The following GRID2IP variants were observed in gnomAD, a reference collection of about 807,000 sequenced individuals.
GRID2IP encodes Grid2 interacting protein.
A neutral mutation model predicts 114.3 loss-of-function variants in GRID2IP; 78 were observed. The observed-to-expected ratio is 0.68, with a 90% CI of 0.57 to 0.82. The LOEUF (loss-of-function observed/expected upper bound fraction) is 0.82. Ranked by LOEUF, GRID2IP falls within the 40% of genes least tolerant of loss-of-function variation. GRID2IP has a pLI of 0.00. For synonymous variants in GRID2IP, 809 were observed against 724.0 expected (o/e 1.12, Z -1.89); for missense variants, 1,727 against 1,678.5 (o/e 1.03, Z -0.51).
In GRID2IP at chr7:6,532,735, G is replaced by A. The variant is rs1343500543; in HGVS notation, c.585-5966C>T. 1.3e-5 allele frequency among the ~76,000 whole-genome samples: 2 copies of A among 152,226 alleles called. No individual in the cohort carries two copies. The highest frequency in any genetic ancestry group is 1.3e-4 in the Admixed American group (2 of 15,272). ...CATTCCTGGTTGTATTGTGCCAGCT[G>A]CAGTGGCCCAGAATCCAGAACCACA... is the stretch of plus-strand genomic sequence containing the variant. On this transcript the variant is annotated intron_variant, in intron 2 of 21. Transcript: ENST00000457091. The surrounding 1 kb of genome is among the most constrained non-coding windows in gnomAD (Gnocchi z 4.4).
chr7:6,503,692 G>A lies in GRID2IP; in HGVS notation c.2711-5C>T, dbSNP rs1583332628. 2 of 1,467,894 alleles carry A rather than the reference G, an allele frequency of 1.4e-6. No individual in the cohort carries two copies. Among genetic ancestry groups the A allele is most frequent in the East Asian group, 2.7e-5 (1 of 37,544 alleles). 90.9% of individuals were successfully genotyped at this position (1,467,894 alleles called of 1,614,324 possible). ...TCAGGTGTGCCAAGAGGATGGCTGC[G>A]GGCGGGGCGGGGCGGTGAGCTGGGC... is the stretch of plus-strand genomic sequence containing the variant. On this transcript the variant is annotated splice_region_variant and splice_polypyrimidine_tract_variant and intron_variant, in intron 15 of 21. Transcript: ENST00000457091.
intron 20 of GRID2IP, among the ~76,000 whole-genome samples, chr7:6,500,497 G>C (rs2115350600): frequency 6.6e-6 from 1 of 152,242 alleles, no homozygotes; most frequent in Middle Eastern, 3.4e-3. Context: ...TGAAGTGGGT[G>C]AAAGATGGGG....
In GRID2IP at chr7:6,509,453, G is replaced by A. The variant is rs1786700194; in HGVS notation, c.1772-140C>T. ...TCCCTCTCTGGGCACAGTGCAGGAA[G>A]ACCTTGAGCGGCCCTGCCTTCCAAG... On this transcript the variant is annotated intron_variant, in intron 11 of 21. Coordinates refer to ENST00000457091, the MANE Select transcript of GRID2IP (RefSeq NM_001145118.2). This position sits in a 1 kb window ranked among gnomAD's most constrained non-coding sequence, Gnocchi z 4.9. The A allele has an allele frequency of 2.8e-6, 2 of 723,036 alleles. No individual in the cohort carries two copies. The highest frequency in any genetic ancestry group is 5.8e-5 in the South Asian group (2 of 34,264). 44.8% of individuals were successfully genotyped at this position (723,036 alleles called of 1,614,324 possible).
At position 6,531,144 on chromosome 7, in the gene GRID2IP, G is replaced by T. The variant is rs773660730; in HGVS notation, c.585-4375C>A. On this transcript the variant is annotated intron_variant, in intron 2 of 21. Coordinates refer to ENST00000457091, the MANE Select transcript of GRID2IP (RefSeq NM_001145118.2). ...CGGCGCGGCAGGTGCCGAAGGGCAGGGGGTAGCCGAGCCCAGGAATGGAGC... is the reference window on the plus strand; with the variant it reads ...CGGCGCGGCAGGTGCCGAAGGGCAGTGGGTAGCCGAGCCCAGGAATGGAGC... 2.0e-4 allele frequency: 102 copies of T among 505,226 alleles called. 1 individual carries two copies. The highest frequency in any genetic ancestry group is 8.3e-4 in the Middle Eastern group (2 of 2,414). 31.3% of individuals were successfully genotyped at this position (505,226 alleles called of 1,614,324 possible). A position where few individuals can be genotyped will look rare whatever the true frequency, so the allele number is the denominator to read the frequency against.
intron 8 of GRID2IP, among the ~76,000 whole-genome samples, chr7:6,512,591 A>G (rs1275480424): frequency 6.6e-6 from 1 of 150,390 alleles, no homozygotes; most frequent in East Asian, 2.0e-4. Flanking sequence ...GCTCACTGCA[A>G]CCTCCGTCTC....
chr7:6,513,947 CAAAAA>C (rs35124535), intron 8 of GRID2IP, among the ~76,000 whole-genome samples: 2 of 47,540 alleles, frequency 4.2e-5, no homozygotes, highest in African/African-American at 9.8e-5. Flanking sequence ...GACTCCGTCT[CAAAAA>C]AAAAAAAAAA....
At chr7:6,550,976 T>TGCCCCCCCCC in intron 1 of GRID2IP, 32 bp downstream of exon 1, 1 of 1,015,788 alleles carries the variant, frequency 9.8e-7, no homozygotes, top group Non-Finnish European at 1.2e-6. Context: ...GCCCCCTCCT[T>TGCCCCCCCCC]CCCGCCCCCA....
At chr7:6,547,994 A>C (rs972385332) in intron 1 of GRID2IP, among the ~76,000 whole-genome samples, 3 of 152,200 alleles carry the variant, frequency 2.0e-5, no homozygotes, top group Non-Finnish European at 2.9e-5. Flanking sequence ...CCACGGAGGA[A>C]AAGTCTGTGA....
In GRID2IP at chr7:6,501,656, C is replaced by T. The variant is rs73674125; in HGVS notation, c.3399+125G>A. 3,008 of 726,060 alleles carry T rather than the reference C, an allele frequency of 4.1e-3. 67 individuals are homozygous for T. In the African/African-American group the frequency reaches 0.047, roughly 11 times the overall value. 45.0% of individuals were successfully genotyped at this position (726,060 alleles called of 1,614,324 possible). A position where few individuals can be genotyped will look rare whatever the true frequency, so the allele number is the denominator to read the frequency against. On this transcript the variant is annotated intron_variant, in intron 20 of 21. Coordinates refer to ENST00000457091, the MANE Select transcript of GRID2IP (RefSeq NM_001145118.2). ...GCCTCTTCCAGGACCCCTGGGTGCA[C>T]AGCAACCTGTGTCCAGAATCTCTGC...
At position 6,523,752 on chromosome 7, in the gene GRID2IP, G is replaced by A. The variant is rs1366573949; in HGVS notation, c.920-1795C>T. Among the ~76,000 whole-genome samples the A allele has an allele frequency of 6.6e-6, 1 of 151,948 alleles. No individual in the cohort carries two copies. Among genetic ancestry groups the A allele is most frequent in the African/African-American group, 2.4e-5 (1 of 41,380 alleles). ...TTGCTCAGACTGGTCTCAAACTCCT[G>A]GGCTCAAGTGATCTTCCTGCCTCGG... On this transcript the variant is annotated intron_variant, in intron 4 of 21. Coordinates refer to ENST00000457091, the MANE Select transcript of GRID2IP (RefSeq NM_001145118.2). This position sits in a 1 kb window ranked among gnomAD's most constrained non-coding sequence, Gnocchi z 4.5.
Position 6,526,357 on chromosome 7 carries a change from G to A in GRID2IP, c.834-48C>T. On this transcript the variant is annotated intron_variant, in intron 3 of 21. Transcript: ENST00000457091. The surrounding 1 kb of genome is among the most constrained non-coding windows in gnomAD (Gnocchi z 7.6). ...GCAGCATGATGGAGAGGGGGCCCTGGGGCGCAGAGGTTGGAGATGTCCCGT... is the reference window on the plus strand; with the variant it reads ...GCAGCATGATGGAGAGGGGGCCCTGAGGCGCAGAGGTTGGAGATGTCCCGT... 3 of 1,528,608 alleles carry A rather than the reference G, an allele frequency of 2.0e-6. No individual in the cohort carries two copies. Among genetic ancestry groups the A allele is most frequent in the Non-Finnish European group, 2.7e-6 (3 of 1,127,468 alleles). 94.7% of individuals were successfully genotyped at this position (1,528,608 alleles called of 1,614,324 possible). A position where few individuals can be genotyped will look rare whatever the true frequency, so the allele number is the denominator to read the frequency against.
chr7:6,512,949 C>T (rs1779207546), intron 8 of GRID2IP, among the ~76,000 whole-genome samples: 1 of 152,224 alleles, frequency 6.6e-6, no homozygotes, highest in African/African-American at 2.4e-5. Flanking sequence ...TGAACCACTG[C>T]ACCTGCAGCG....
Position 6,539,716 on chromosome 7 carries a change from A to G in GRID2IP, c.584+2T>C. 1 of 1,547,566 alleles carries G rather than the reference A, an allele frequency of 6.5e-7. No homozygotes were observed. The highest frequency in any genetic ancestry group is 2.5e-5 in the East Asian group (1 of 40,744). On this transcript the variant is annotated splice_donor_variant, in intron 2 of 21. Coordinates refer to ENST00000457091, the MANE Select transcript of GRID2IP (RefSeq NM_001145118.2). LOFTEE classifies it high-confidence loss of function. ...GTCTATCCTGCCCCCTGCCCGCAGTACCTGAGGTTGTCCAGGAGTGGCCCG... is the reference window on the plus strand; with the variant it reads ...GTCTATCCTGCCCCCTGCCCGCAGTGCCTGAGGTTGTCCAGGAGTGGCCCG...
intron 1 of GRID2IP, among the ~76,000 whole-genome samples, chr7:6,548,733 G>A (rs372267129): frequency 6.6e-6 from 1 of 151,466 alleles, no homozygotes; most frequent in Non-Finnish European, 1.5e-5. Context: ...TCCCAGCTAC[G>A]CGGGAGGCTG....
chr7:6,520,561 G>T lies in GRID2IP; in HGVS notation c.1268+17C>A, dbSNP rs777907737. 2.0e-4 allele frequency: 317 copies of T among 1,546,764 alleles called. No homozygotes were observed. Among genetic ancestry groups the T allele is most frequent in the Admixed American group, 1.2e-3 (61 of 50,904 alleles). The stretch of plus-strand genomic sequence containing the variant: ...CCCACCCAGGGCAGGGCCCCACCGC[G>T]GCTTTGGCCCGGCCACCTGTGCTGG... On this transcript the variant is annotated intron_variant, in intron 7 of 21. Coordinates refer to ENST00000457091, the MANE Select transcript of GRID2IP (RefSeq NM_001145118.2). This position sits in a 1 kb window ranked among gnomAD's most constrained non-coding sequence, Gnocchi z 4.6.
Position 6,550,768 on chromosome 7 carries a change from T to C in GRID2IP, c.429+240A>G, listed in dbSNP as rs1270520437. On this transcript the variant is annotated intron_variant, in intron 1 of 21. Coordinates refer to ENST00000457091, the MANE Select transcript of GRID2IP (RefSeq NM_001145118.2). Reference sequence around the variant, plus strand: ...ACTTGAACTTGGGAGGCAGAGGTTGTACTGAGCCAAGACCTGGCCACTGCA... The same window carrying C: ...ACTTGAACTTGGGAGGCAGAGGTTGCACTGAGCCAAGACCTGGCCACTGCA... 3.3e-5 allele frequency among the ~76,000 whole-genome samples: 5 copies of C among 151,404 alleles called. No homozygotes were observed. The South Asian group carries it at 1.0e-3, about 31-fold the overall frequency.
intron 1 of GRID2IP, among the ~76,000 whole-genome samples, chr7:6,546,739 G>A (rs1779894958): frequency 1.3e-5 from 2 of 151,942 alleles, no homozygotes; most frequent in Non-Finnish European, 2.9e-5. Context: ...CACTGCAGCT[G>A]GCCTGGGCAG....
At chr7:6,525,222 G>A (rs1779486661) in intron 4 of GRID2IP, among the ~76,000 whole-genome samples, 1 of 151,998 alleles carries the variant, frequency 6.6e-6, no homozygotes, top group South Asian at 2.1e-4. Context: ...CAGGAGAATC[G>A]CTTGCACCTG....
intron 4 of GRID2IP, among the ~76,000 whole-genome samples, chr7:6,524,039 A>C (rs1478552783): frequency 6.6e-6 from 1 of 152,148 alleles, no homozygotes; most frequent in Non-Finnish European, 1.5e-5. Flanking sequence ...TCGGGGAAGA[A>C]CCTGAACATG....
Sources: gnomAD v4.1 joint callset for allele counts (sites outside exome capture counted in the v4.1 genomes callset) on GRCh38, gnomAD v4.1.1 for gene constraint, Gnocchi (gnomAD v3.1) non-coding constraint, MANE v1.5 for transcripts, NCBI Gene and HGNC (gene_info 2026-07-23, HGNC 2026-07-21) for gene names.